NKAIN3: variants seen among roughly 807,000 people sequenced by gnomAD.
The protein encoded by NKAIN3 is sodium/potassium-transporting ATPase subunit beta-1-interacting protein 3.
NKAIN3 carries 25 observed loss-of-function variants against 30.2 expected under a neutral mutation model. The ratio of observed to expected loss-of-function variants is 0.83; its 90% CI spans 0.60 to 1.16. NKAIN3 has a LOEUF of 1.16. Among genes scored for constraint, NKAIN3 ranks in the 50% most tolerant of loss-of-function variants. The pLI, the probability that NKAIN3 is intolerant of heterozygous loss-of-function variation, is 0.00. For synonymous variants in NKAIN3, 91 were observed against 89.6 expected, an observed-to-expected ratio of 1.02 and a Z score of -0.09; for missense variants, 225 against 254.1, an observed-to-expected ratio of 0.89 and a Z score of 0.78.
intron 1 of NKAIN3, among the ~76,000 whole-genome samples, chr8:62,481,927 G>T (rs117211661): frequency 6.6e-6 from 1 of 152,262 alleles, no homozygotes; most frequent in Non-Finnish European, 1.5e-5. Flanking sequence ...ATGGTGGTTA[G>T]GTGGCCACAG....
intron 1 of NKAIN3, among the ~76,000 whole-genome samples, chr8:62,355,828 T>A (rs1156787586): frequency 6.6e-6 from 1 of 152,214 alleles, no homozygotes; most frequent in African/African-American, 2.4e-5. Flanking sequence ...TACATTCATA[T>A]TAAGTTTATT....
At chr8:62,382,799 A>G (rs1639846711) in intron 1 of NKAIN3, among the ~76,000 whole-genome samples, 1 of 152,064 alleles carries the variant, frequency 6.6e-6, no homozygotes, top group South Asian at 2.1e-4. Context: ...TATATTTTGA[A>G]ACCCTTCACG....
intron 3 of NKAIN3, among the ~76,000 whole-genome samples, chr8:62,688,360 G>T (rs1234360906): frequency 6.6e-6 from 1 of 152,046 alleles, no homozygotes; most frequent in Non-Finnish European, 1.5e-5. Context: ...CAAAATTATT[G>T]GGAAGATTAA....
intron 1 of NKAIN3, chr8:62,483,094 TG>T (rs1366967831): frequency 1.3e-5 from 2 of 152,194 alleles, no homozygotes; most frequent in African/African-American, 4.8e-5. Flanking sequence ...TGAATAAATT[TG>T]GGCAAGAAAA....
At chr8:62,795,127 C>T (rs1450481078) in intron 4 of NKAIN3, among the ~76,000 whole-genome samples, 1 of 152,122 alleles carries the variant, frequency 6.6e-6, no homozygotes, top group African/African-American at 2.4e-5. Context: ...CTGAGTACCG[C>T]TTATTTAGCA....
chr8:62,839,055 C>T (rs2130756818), intron 4 of NKAIN3, among the ~76,000 whole-genome samples: 1 of 152,132 alleles, frequency 6.6e-6, no homozygotes. Flanking sequence ...CGTACACACA[C>T]CCAATCCTAT....
At chr8:62,581,760 C>T (rs145216808) in intron 2 of NKAIN3, among the ~76,000 whole-genome samples, 1,881 of 139,222 alleles carry the variant, frequency 0.014, 21 homozygotes, top group Non-Finnish European at 0.02. Context: ...TCCCTTCTTT[C>T]CTTCCTTCCT....
intron 5 of NKAIN3, among the ~76,000 whole-genome samples, chr8:62,942,514 TAA>T (rs756452243): frequency 2.4e-4 from 27 of 112,812 alleles, no homozygotes; most frequent in Non-Finnish European, 2.9e-4. Flanking sequence ...TTCACAGAAC[TAA>T]AAAAAAAAAA....
At chr8:62,510,698 T>G (rs541532460) in intron 1 of NKAIN3, among the ~76,000 whole-genome samples, 1 of 151,830 alleles carries the variant, frequency 6.6e-6, no homozygotes, top group East Asian at 1.9e-4. Context: ...GGAAGAGGAG[T>G]AAGGAGAAAA....
intron 1 of NKAIN3, among the ~76,000 whole-genome samples, chr8:62,493,708 C>G (rs1442588420): frequency 6.6e-6 from 1 of 151,960 alleles, no homozygotes; most frequent in African/African-American, 2.4e-5. Context: ...GTTCTTTGAT[C>G]AGTGTTTTGT....
intron 4 of NKAIN3, among the ~76,000 whole-genome samples, chr8:62,903,573 A>C (rs1462627410): frequency 6.6e-6 from 1 of 152,144 alleles, no homozygotes; most frequent in Non-Finnish European, 1.5e-5. Context: ...GCCACAAAGC[A>C]TGGGGAGATG....
At chr8:62,961,293 A>C (rs1823563585) in intron 6 of NKAIN3, among the ~76,000 whole-genome samples, 1 of 151,954 alleles carries the variant, frequency 6.6e-6, no homozygotes, top group South Asian at 2.1e-4. Flanking sequence ...AAAAAAAAAA[A>C]AGTGGGTCAA....
At chr8:62,500,493 G>GA (rs57968331) in intron 1 of NKAIN3, among the ~76,000 whole-genome samples, 5,469 of 133,968 alleles carry the variant, frequency 0.041, 164 homozygotes, top group African/African-American at 0.068. Flanking sequence ...AAGAAGAAAA[G>GA]AAAGAAAGAA....
At chr8:62,427,207 A>G (rs1164119702) in intron 1 of NKAIN3, among the ~76,000 whole-genome samples, 1 of 152,054 alleles carries the variant, frequency 6.6e-6, no homozygotes, top group Non-Finnish European at 1.5e-5. Context: ...ATTTAAATAT[A>G]TCACAATTTT....
chr8:62,513,555 C>A (rs762622853), intron 1 of NKAIN3, among the ~76,000 whole-genome samples: 3 of 151,862 alleles, frequency 2.0e-5, no homozygotes, highest in Non-Finnish European at 4.4e-5. Context: ...AGAAGATAGA[C>A]AAACATTCCA....
At chr8:62,511,209 T>A (rs1348505445) in intron 1 of NKAIN3, among the ~76,000 whole-genome samples, 1 of 152,120 alleles carries the variant, frequency 6.6e-6, no homozygotes, top group African/African-American at 2.4e-5. Flanking sequence ...CACTTCTCAT[T>A]CAAGAGGAAT....
At chr8:62,278,201 T>C (rs1563916307) in intron 1 of NKAIN3, among the ~76,000 whole-genome samples, 1 of 152,120 alleles carries the variant, frequency 6.6e-6, no homozygotes, top group Non-Finnish European at 1.5e-5. Flanking sequence ...TCAGGTCATG[T>C]AGACTGAAGA....
In NKAIN3 at chr8:62,389,973, C is replaced by T. The variant is rs184630469; in HGVS notation, c.54+140846C>T. 5.0e-4 allele frequency among the ~76,000 whole-genome samples: 76 copies of T among 152,280 alleles called. 2 individuals carry two copies. Among genetic ancestry groups the T allele is most frequent in the Admixed American group, 3.5e-3 (53 of 15,296 alleles). Reference sequence around the variant, plus strand: ...CCTTTATAGCCTCTTCAGGGACAGACAGTCTTGGGAACAAGTCACCTGTGT... The same window carrying T: ...CCTTTATAGCCTCTTCAGGGACAGATAGTCTTGGGAACAAGTCACCTGTGT... On this transcript the variant is annotated intron_variant, in intron 1 of 6. Coordinates refer to ENST00000623646, the MANE Select transcript of NKAIN3 (RefSeq NM_001304533.3).
intron 3 of NKAIN3, among the ~76,000 whole-genome samples, chr8:62,746,697 G>A (rs1816081236): frequency 6.6e-6 from 1 of 152,100 alleles, no homozygotes; most frequent in Non-Finnish European, 1.5e-5. Flanking sequence ...AATATATGTT[G>A]CCCTTAAAAT....
Sources: gnomAD v4.1 joint callset for allele counts (sites outside exome capture counted in the v4.1 genomes callset) on GRCh38, gnomAD v4.1.1 for gene constraint, MANE v1.5 for transcripts, NCBI Gene and HGNC (gene_info 2026-07-23, HGNC 2026-07-21) for gene names.